The following AGBL4 variants were observed in gnomAD, a reference collection of about 807,000 sequenced individuals.
The protein encoded by AGBL4 is cytosolic carboxypeptidase 6.
Under a neutral mutation model 66.4 loss-of-function variants are expected in AGBL4, and 58 were observed. The observed-to-expected ratio is 0.87, with a 90% CI of 0.71 to 1.09. AGBL4 has a LOEUF of 1.09. Among genes scored for constraint, AGBL4 ranks in the 50% least tolerant of loss-of-function variants. The probability of loss-of-function intolerance (pLI) is 0.00; values close to 1 mark genes in which losing one functional copy is unlikely to be tolerated. For missense variants in AGBL4, 579 were observed against 631.0 expected (o/e 0.92, Z 0.88); for synonymous variants, 234 against 222.9 (o/e 1.05, Z -0.44).
At chr1:49,616,624 C>T (rs1326031288) in intron 3 of AGBL4, among the ~76,000 whole-genome samples, 1 of 152,064 alleles carries the variant, frequency 6.6e-6, no homozygotes, top group Non-Finnish European at 1.5e-5. Context: ...CTCACTTATC[C>T]AACTGCCTAT....
At chr1:49,669,022 G>A (rs935715236) in intron 3 of AGBL4, among the ~76,000 whole-genome samples, 6 of 152,068 alleles carry the variant, frequency 3.9e-5, no homozygotes, top group African/African-American at 1.4e-4. Flanking sequence ...TATTAAAGTA[G>A]ATAATGTTTC....
At chr1:49,191,679 G>A (rs1163724628) in intron 4 of AGBL4, among the ~76,000 whole-genome samples, 1 of 152,030 alleles carries the variant, frequency 6.6e-6, no homozygotes, top group Non-Finnish European at 1.5e-5. Context: ...AATACTCAAT[G>A]TCTGCTCCCA....
intron 6 of AGBL4, among the ~76,000 whole-genome samples, chr1:48,773,143 C>CA (rs1303991228): frequency 6.6e-6 from 1 of 152,036 alleles, no homozygotes; most frequent in African/African-American, 2.4e-5. Context: ...ACATCTGAAA[C>CA]AAAAAAATTC....
chr1:49,433,384 T>A (rs907813638), intron 3 of AGBL4, among the ~76,000 whole-genome samples: 1 of 152,184 alleles, frequency 6.6e-6, no homozygotes, highest in African/African-American at 2.4e-5. Context: ...AGTGTCATAA[T>A]TGAATTGAAT....
At chr1:49,506,672 T>G (rs1396582124) in intron 3 of AGBL4, among the ~76,000 whole-genome samples, 2 of 152,050 alleles carry the variant, frequency 1.3e-5, no homozygotes, top group African/African-American at 4.8e-5. Flanking sequence ...TACCCAGTCT[T>G]GGGTATGTCT....
intron 3 of AGBL4, among the ~76,000 whole-genome samples, chr1:49,449,604 G>A (rs1026288638): frequency 6.6e-6 from 1 of 151,894 alleles, no homozygotes; most frequent in African/African-American, 2.4e-5. Flanking sequence ...ATTGGTATGG[G>A]ATCCCCAGAT....
Position 49,011,015 on chromosome 1 carries a change from A to C in AGBL4, c.594+34569T>G, listed in dbSNP as rs1024375306. ...ACACCAAAAGCAATGGCAACAAAAGACAAAATTGACAAATGGGATCTAATT... is the reference window on the plus strand; with the variant it reads ...ACACCAAAAGCAATGGCAACAAAAGCCAAAATTGACAAATGGGATCTAATT... On this transcript the variant is annotated intron_variant, in intron 5 of 13. Transcript: ENST00000371839. 5.1e-4 allele frequency among the ~76,000 whole-genome samples: 78 copies of C among 152,190 alleles called. 1 individual carries two copies. In the South Asian group the frequency reaches 0.014, roughly 27 times the overall value.
intron 3 of AGBL4, among the ~76,000 whole-genome samples, chr1:49,325,906 G>A (rs941011303): frequency 1.3e-5 from 2 of 152,122 alleles, no homozygotes; most frequent in African/African-American, 4.8e-5. Flanking sequence ...CCCTCCATGG[G>A]AGACTTTTCA....
chr1:48,654,251 A>C (rs1645983329), intron 7 of AGBL4, among the ~76,000 whole-genome samples: 1 of 152,086 alleles, frequency 6.6e-6, no homozygotes, highest in African/African-American at 2.4e-5. Flanking sequence ...CCTGGATAAC[A>C]GCCACCACCT....
intron 3 of AGBL4, among the ~76,000 whole-genome samples, chr1:49,379,023 G>A (rs996173904): frequency 6.6e-6 from 1 of 152,018 alleles, no homozygotes; most frequent in South Asian, 2.1e-4. Context: ...GAGGACTGAG[G>A]CCTCTGGATA....
intron 5 of AGBL4, among the ~76,000 whole-genome samples, chr1:49,004,239 C>T (rs1165049277): frequency 6.6e-6 from 1 of 152,154 alleles, no homozygotes; most frequent in Non-Finnish European, 1.5e-5. Flanking sequence ...ATGAGCTGAA[C>T]AAATCCAACT....
intron 6 of AGBL4, among the ~76,000 whole-genome samples, chr1:48,670,993 G>C (rs1157218900): frequency 6.6e-6 from 1 of 152,228 alleles, no homozygotes; most frequent in African/African-American, 2.4e-5. Context: ...GGCCCTGCCT[G>C]GTTGTTTGAG....
chr1:49,960,531 T>C (rs1657031553), intron 1 of AGBL4, among the ~76,000 whole-genome samples: 1 of 151,962 alleles, frequency 6.6e-6, no homozygotes, highest in African/African-American at 2.4e-5. Context: ...AAACAATATA[T>C]TATGTAGTTT....
intron 5 of AGBL4, among the ~76,000 whole-genome samples, chr1:48,868,419 T>G (rs1570878813): frequency 6.6e-6 from 1 of 152,176 alleles, no homozygotes; most frequent in African/African-American, 2.4e-5. Flanking sequence ...ATTTTTTTCA[T>G]ACTCCTGGCA....
At chr1:49,256,773 A>G (rs1652541631) in intron 3 of AGBL4, among the ~76,000 whole-genome samples, 2 of 152,244 alleles carry the variant, frequency 1.3e-5, no homozygotes, top group Non-Finnish European at 2.9e-5. Flanking sequence ...TTTAGTTTAC[A>G]TTGCTGTGGA....
At chr1:49,772,446 A>C (rs541577708) in intron 2 of AGBL4, among the ~76,000 whole-genome samples, 1 of 152,260 alleles carries the variant, frequency 6.6e-6, no homozygotes, top group South Asian at 2.1e-4. Flanking sequence ...AGTAGCACTT[A>C]CCTATACTAG....
At chr1:49,065,802 G>A (rs542659200) in intron 4 of AGBL4, among the ~76,000 whole-genome samples, 1 of 152,284 alleles carries the variant, frequency 6.6e-6, no homozygotes, top group African/African-American at 2.4e-5. Flanking sequence ...CAGGACTATT[G>A]AACAGCAGCC....
intron 3 of AGBL4, among the ~76,000 whole-genome samples, chr1:49,668,682 T>C (rs1646416631): frequency 6.6e-6 from 1 of 152,188 alleles, no homozygotes; most frequent in South Asian, 2.1e-4. Flanking sequence ...GGCTCTGCTA[T>C]GAAAATCAGA....
At chr1:48,720,717 T>C (rs1647132604) in intron 6 of AGBL4, among the ~76,000 whole-genome samples, 1 of 152,100 alleles carries the variant, frequency 6.6e-6, no homozygotes, top group Non-Finnish European at 1.5e-5. Context: ...TCAGCAAACA[T>C]GTATAGAGAT....
Sources: gnomAD v4.1 joint callset for allele counts (sites outside exome capture counted in the v4.1 genomes callset) on GRCh38, gnomAD v4.1.1 for gene constraint, MANE v1.5 for transcripts, NCBI Gene and HGNC (gene_info 2026-07-23, HGNC 2026-07-21) for gene names.